Variants in MAST4 observed in about 807,000 individuals in gnomAD.
The protein encoded by MAST4 is microtubule-associated serine/threonine-protein kinase 4.
A neutral mutation model predicts 162.7 loss-of-function variants in MAST4; 89 were observed. The ratio of observed to expected loss-of-function variants is 0.55; its 90% confidence interval spans 0.46 to 0.65. MAST4 has a LOEUF of 0.65. MAST4 is among the 30% of genes least tolerant of loss of function. MAST4 has a pLI of 0.00. For synonymous variants in MAST4, 1,479 were observed against 1,361.1 expected (o/e 1.09, Z -1.91); for missense variants, 3,153 against 3,374.0 (o/e 0.93, Z 1.62).
Position 67,160,582 on chromosome 5 carries a change from A to G in MAST4, c.3775A>G (p.Ser1259Gly), listed in dbSNP as rs770321600. The change falls in exon 27 of 29, where the codon AGT (serine) becomes GGT (glycine). Residue 1259 changes from serine to glycine, a missense_variant. Coordinates refer to ENST00000403625, the MANE Select transcript of MAST4 (RefSeq NM_001164664.2). Reference sequence around the variant, plus strand: ...GAGCAAGAAATCCAAGAAGAAAGAAAGTCTCGAAAGGTTAGTAAAATCAGT... The same window carrying G: ...GAGCAAGAAATCCAAGAAGAAAGAAGGTCTCGAAAGGTTAGTAAAATCAGT... ...RRSKKSKKKE[S>G]LERRRSLFKK... 9 of 1,613,598 alleles carry G rather than the reference A, an allele frequency of 5.6e-6. No individual in the cohort carries two copies. Among genetic ancestry groups the G allele is most frequent in the African/African-American group, 1.3e-5 (1 of 74,916 alleles).
intron 2 of MAST4, among the ~76,000 whole-genome samples, chr5:66,765,888 T>G (rs977104415): frequency 2.0e-5 from 3 of 152,190 alleles, no homozygotes; most frequent in African/African-American, 7.2e-5. Flanking sequence ...ACAATAGACC[T>G]GGAGCTCACT....
rs1167331781 is a variant in MAST4, at chr5:67,168,716, G to T, written c.*1665G>T. On this transcript the variant is annotated 3_prime_UTR_variant, in exon 29 of 29. Transcript: ENST00000403625. Reference sequence around the variant, plus strand: ...GATCTAGCACCCAAACTCTCTTGGGGGATGTCTTAGTATCTTCACGCTATA... The same window carrying T: ...GATCTAGCACCCAAACTCTCTTGGGTGATGTCTTAGTATCTTCACGCTATA... 2 of 152,062 alleles carry T rather than the reference G, an allele frequency of 1.3e-5. No homozygotes were observed. The highest frequency in any genetic ancestry group is 6.5e-5 in the Admixed American group (1 of 15,274). The allele number at this position is 152,062 out of a possible 1,614,324, so 9.4% of individuals were successfully genotyped here.
intron 1 of MAST4, among the ~76,000 whole-genome samples, chr5:66,629,120 T>G (rs1267771531): frequency 1.3e-5 from 2 of 152,122 alleles, no homozygotes; most frequent in African/African-American, 4.8e-5. Flanking sequence ...CAGGCTGAGG[T>G]CTTTCGGAAA....
chr5:66,825,338 G>C (rs1757197152), intron 3 of MAST4, among the ~76,000 whole-genome samples: 1 of 144,440 alleles, frequency 6.9e-6, no homozygotes, highest in African/African-American at 2.6e-5. Flanking sequence ...ACAGAGTCAG[G>C]ATCATCAAGG....
chr5:66,659,011 G>A (rs1023679988), intron 1 of MAST4, among the ~76,000 whole-genome samples: 1 of 152,144 alleles, frequency 6.6e-6, no homozygotes, highest in Non-Finnish European at 1.5e-5. Flanking sequence ...GACAGAGCAA[G>A]ACTCTGTTAA....
At chr5:66,858,418 G>A (rs1477238842) in intron 3 of MAST4, among the ~76,000 whole-genome samples, 1 of 152,186 alleles carries the variant, frequency 6.6e-6, no homozygotes, top group Non-Finnish European at 1.5e-5. Flanking sequence ...GAGTGAATCT[G>A]TGGTGTATCA....
At chr5:66,849,260 A>G (rs1485067241) in intron 3 of MAST4, among the ~76,000 whole-genome samples, 2 of 152,096 alleles carry the variant, frequency 1.3e-5, no homozygotes, top group Non-Finnish European at 2.9e-5. Context: ...ATTCTGGTTC[A>G]TACCCCAATT....
At chr5:66,994,808 T>C (rs1750447624) in intron 4 of MAST4, among the ~76,000 whole-genome samples, 1 of 151,978 alleles carries the variant, frequency 6.6e-6, no homozygotes. Flanking sequence ...TTCTTTGAAA[T>C]GAAGAGCATT....
chr5:66,994,298 G>A (rs956843059), intron 4 of MAST4, among the ~76,000 whole-genome samples: 1 of 152,024 alleles, frequency 6.6e-6, no homozygotes. Flanking sequence ...TTCCAATCTG[G>A]TGTATTTTTC....
intron 3 of MAST4, among the ~76,000 whole-genome samples, chr5:66,831,958 C>G (rs1757630361): frequency 6.6e-6 from 1 of 152,158 alleles, no homozygotes; most frequent in African/African-American, 2.4e-5. Flanking sequence ...TATTTTTTAA[C>G]TGTCAGGGAA....
chr5:66,926,304 T>G (rs1352552334), intron 4 of MAST4, among the ~76,000 whole-genome samples: 1 of 152,148 alleles, frequency 6.6e-6, no homozygotes, highest in Non-Finnish European at 1.5e-5. Context: ...TCCCAGCACT[T>G]TGGGAGGCCA....
At chr5:66,723,583 GAGA>G (rs1751347589) in intron 1 of MAST4, among the ~76,000 whole-genome samples, 1 of 152,126 alleles carries the variant, frequency 6.6e-6, no homozygotes, top group South Asian at 2.1e-4. Context: ...ATATCGAGAT[GAGA>G]AGAATTTGAT....
chr5:66,919,385 G>C (rs1394481063), intron 4 of MAST4, among the ~76,000 whole-genome samples: 1 of 151,990 alleles, frequency 6.6e-6, no homozygotes, highest in African/African-American at 2.4e-5. Context: ...AACAGGCCGG[G>C]CATGGTGGCT....
intron 4 of MAST4, among the ~76,000 whole-genome samples, chr5:67,040,895 C>T (rs1460559675): frequency 2.0e-5 from 3 of 152,130 alleles, no homozygotes; most frequent in African/African-American, 7.2e-5. Flanking sequence ...GGTTTAGATC[C>T]CGGTTCTCCC....
chr5:67,117,546 T>C (rs933974692), intron 12 of MAST4, among the ~76,000 whole-genome samples: 1 of 151,612 alleles, frequency 6.6e-6, no homozygotes, highest in African/African-American at 2.4e-5. Context: ...AAAATTAAGT[T>C]TTTTAAAATT....
chr5:67,021,762 G>C (rs544530417), intron 4 of MAST4, among the ~76,000 whole-genome samples: 44 of 152,322 alleles, frequency 2.9e-4, no homozygotes, highest in South Asian at 1.7e-3. Flanking sequence ...CCCACACACA[G>C]TGGAGAGAAA....
intron 19 of MAST4, among the ~76,000 whole-genome samples, chr5:67,139,093 A>G (rs1219923733): frequency 6.6e-6 from 1 of 152,184 alleles, no homozygotes; most frequent in Non-Finnish European, 1.5e-5. Flanking sequence ...AGAGACATTT[A>G]AAAGACCCTA....
rs185167647 is a variant in MAST4, at chr5:67,168,541, G to A, written c.*1490G>A. ...TTTCTGTTGTTGCAGTTTCTTTGGTGGCTTGTTTTGTATTGTAAGATGGCA... is the reference window on the plus strand; with the variant it reads ...TTTCTGTTGTTGCAGTTTCTTTGGTAGCTTGTTTTGTATTGTAAGATGGCA... On this transcript the variant is annotated 3_prime_UTR_variant, in exon 29 of 29. Transcript: ENST00000403625. 5.9e-5 allele frequency: 9 copies of A among 152,166 alleles called. No individual in the cohort carries two copies. The East Asian group carries it at 1.7e-3, about 29-fold the overall frequency. 9.4% of individuals were successfully genotyped at this position (152,166 alleles called of 1,614,324 possible). A position where few individuals can be genotyped will look rare whatever the true frequency, so the allele number is the denominator to read the frequency against.
chr5:66,722,805 A>G (rs970553315), intron 1 of MAST4, among the ~76,000 whole-genome samples: 2 of 152,146 alleles, frequency 1.3e-5, no homozygotes, highest in Non-Finnish European at 2.9e-5. Flanking sequence ...TAGGGAGGCA[A>G]TCATAGCTGC....
Sources: gnomAD v4.1 joint callset for allele counts (sites outside exome capture counted in the v4.1 genomes callset) on GRCh38, gnomAD v4.1.1 for gene constraint, MANE v1.5 for transcripts, NCBI Gene and HGNC (gene_info 2026-07-23, HGNC 2026-07-21) for gene names.